The following SMOC2 variants were observed in gnomAD, a reference collection of about 807,000 sequenced individuals.
SMOC2 encodes SPARC related modular calcium binding 2.
SMOC2 carries 39 observed loss-of-function variants against 61.4 expected under a neutral mutation model. That is an observed-to-expected ratio of 0.64 (90% CI 0.49 to 0.83). The LOEUF (loss-of-function observed/expected upper bound fraction) is 0.83. Among genes scored for constraint, SMOC2 ranks in the 40% least tolerant of loss-of-function variants. The probability of loss-of-function intolerance (pLI) is 0.00; values close to 1 mark genes in which losing one functional copy is unlikely to be tolerated. For missense variants in SMOC2, 556 were observed against 592.9 expected, an observed-to-expected ratio of 0.94 and a Z score of 0.65; for synonymous variants, 247 against 239.9, an observed-to-expected ratio of 1.03 and a Z score of -0.27.
At chr6:168,563,972 A>C (rs927479357) in intron 7 of SMOC2, among the ~76,000 whole-genome samples, 1 of 152,060 alleles carries the variant, frequency 6.6e-6, no homozygotes, top group Non-Finnish European at 1.5e-5. Flanking sequence ...GTTAAAGCAC[A>C]CCCTGGAGTA....
chr6:168,545,008 C>T (rs1005889233), intron 5 of SMOC2, among the ~76,000 whole-genome samples: 1 of 151,926 alleles, frequency 6.6e-6, no homozygotes, highest in Non-Finnish European at 1.5e-5. Context: ...ATAATGGGGA[C>T]ACTGGGTTGG....
intron 2 of SMOC2, among the ~76,000 whole-genome samples, chr6:168,512,235 C>T (rs868327248): frequency 1.3e-5 from 2 of 152,098 alleles, no homozygotes; most frequent in African/African-American, 4.8e-5. Context: ...AATGGAAAGA[C>T]ACAGGAAGTC....
At chr6:168,527,051 G>GA (rs1322894916) in intron 3 of SMOC2, among the ~76,000 whole-genome samples, 6 of 152,208 alleles carry the variant, frequency 3.9e-5, no homozygotes, top group Non-Finnish European at 8.8e-5. Flanking sequence ...AGAAAGAGCA[G>GA]AAAAAACAGC....
intron 9 of SMOC2, among the ~76,000 whole-genome samples, chr6:168,641,723 G>A (rs1222965007): frequency 6.6e-6 from 1 of 152,200 alleles, no homozygotes; most frequent in African/African-American, 2.4e-5. Flanking sequence ...AGGGCCAAGA[G>A]CAGGCACCTT....
Position 168,475,246 on chromosome 6 carries a change from G to T in SMOC2, c.84+33792G>T, listed in dbSNP as rs1427739998. ...CTTTGGAGAAGCTAAACTTTGAAGT[G>T]TGTGGAAGGCAGCTTGGATAGTCCT... On this transcript the variant is annotated intron_variant, in intron 1 of 12. Coordinates refer to ENST00000356284, the MANE Select transcript of SMOC2 (RefSeq NM_001166412.2). The surrounding 1 kb of genome is among the most constrained non-coding windows in gnomAD (Gnocchi z 4.6). Among the ~76,000 whole-genome samples the T allele has an allele frequency of 6.6e-6, 1 of 152,098 alleles. No homozygotes were observed. The highest frequency in any genetic ancestry group is 1.9e-4 in the East Asian group (1 of 5,194).
At chr6:168,488,100 T>C (rs2115029555) in intron 1 of SMOC2, among the ~76,000 whole-genome samples, 1 of 152,324 alleles carries the variant, frequency 6.6e-6, no homozygotes, top group East Asian at 1.9e-4. Context: ...AATGGGTAGC[T>C]TGAAACAGCA....
intron 7 of SMOC2, among the ~76,000 whole-genome samples, chr6:168,564,821 C>T (rs73789110): frequency 0.011 from 1,624 of 152,280 alleles, 23 homozygotes; most frequent in African/African-American, 0.037. Flanking sequence ...CCTAAGGCAG[C>T]GGGTCTCACT....
intron 7 of SMOC2, among the ~76,000 whole-genome samples, chr6:168,580,094 G>A (rs1322652956): frequency 6.6e-6 from 1 of 152,108 alleles, no homozygotes; most frequent in Non-Finnish European, 1.5e-5. Flanking sequence ...GGCTTAAGAC[G>A]TAGTTTTCCC....
intron 9 of SMOC2, among the ~76,000 whole-genome samples, chr6:168,636,040 C>T (rs1016301052): frequency 2.0e-5 from 3 of 152,136 alleles, no homozygotes; most frequent in Non-Finnish European, 2.9e-5. Flanking sequence ...TGAAATCTGG[C>T]AATGAAGGAG....
chr6:168,623,419 G>A (rs4708767), intron 9 of SMOC2, among the ~76,000 whole-genome samples: 28,003 of 147,798 alleles, frequency 0.19, 3,327 homozygotes, highest in Non-Finnish European at 0.26. Flanking sequence ...CAACCTTCCC[G>A]GGTTCAAGCA....
At chr6:168,459,272 A>C (rs1311980458) in intron 1 of SMOC2, among the ~76,000 whole-genome samples, 2 of 152,188 alleles carry the variant, frequency 1.3e-5, no homozygotes, top group Admixed American at 6.5e-5. Context: ...GTGCTGTGCA[A>C]GCGTCTAGGG....
chr6:168,575,161 T>C (rs1359850954), intron 7 of SMOC2, among the ~76,000 whole-genome samples: 1 of 152,180 alleles, frequency 6.6e-6, no homozygotes, highest in African/African-American at 2.4e-5. Context: ...GCCACACCCC[T>C]CCCAGTGTTA....
At position 168,509,916 on chromosome 6, in the gene SMOC2, T is replaced by C. The variant is rs1782965052; in HGVS notation, c.86T>C (p.Phe29Ser). ...VPAQKFSALTFLRVDQDKDKD... is the reference protein window; with the variant it reads ...VPAQKFSALTSLRVDQDKDKD... ...TGGCTTCTTTTTTTCTCCTTTAAGT[T>C]TTTGAGAGTGGATCAAGATAAAGAC... is the stretch of plus-strand genomic sequence containing the variant. Residue 29 changes from phenylalanine to serine, a missense_variant and splice_region_variant, in exon 2 of 13, where the codon TTT becomes TCT. Phe to Ser is a radical substitution (Grantham distance 155). Coordinates refer to ENST00000356284, the MANE Select transcript of SMOC2 (RefSeq NM_001166412.2). 3.1e-6 allele frequency: 5 copies of C among 1,592,124 alleles called. No individual in the cohort carries two copies. In the Admixed American group the frequency reaches 5.1e-5, roughly 16 times the overall value.
intron 6 of SMOC2, among the ~76,000 whole-genome samples, chr6:168,548,449 C>T (rs2115105525): frequency 6.6e-6 from 1 of 151,436 alleles, no homozygotes; most frequent in African/African-American, 2.4e-5. Context: ...CCTCCGTCTC[C>T]TGGGCTCAAG....
At chr6:168,505,144 C>G (rs1562560034) in intron 1 of SMOC2, among the ~76,000 whole-genome samples, 1 of 149,564 alleles carries the variant, frequency 6.7e-6, no homozygotes, top group African/African-American at 2.4e-5. Context: ...AATGAAATGT[C>G]CATCTCTCAG....
intron 8 of SMOC2, among the ~76,000 whole-genome samples, chr6:168,606,869 G>A (rs1313685634): frequency 1.3e-5 from 2 of 152,146 alleles, no homozygotes; most frequent in African/African-American, 4.8e-5. Flanking sequence ...GTCTCCCAGT[G>A]TGTCACTTGC....
chr6:168,547,337 CT>C (rs1784027194), intron 6 of SMOC2, among the ~76,000 whole-genome samples, 168 bp downstream of exon 6: 1 of 65,786 alleles, frequency 1.5e-5, no homozygotes. Flanking sequence ...TGTGGAATCT[CT>C]TTAAAAAAAA....
At chr6:168,624,349 C>T (rs907022300) in intron 9 of SMOC2, among the ~76,000 whole-genome samples, 2 of 152,214 alleles carry the variant, frequency 1.3e-5, no homozygotes, top group African/African-American at 2.4e-5. Flanking sequence ...TGAACACGCA[C>T]ATATGTAGAC....
intron 9 of SMOC2, among the ~76,000 whole-genome samples, chr6:168,627,201 C>G (rs1786435843): frequency 6.6e-6 from 1 of 152,222 alleles, no homozygotes; most frequent in African/African-American, 2.4e-5. Context: ...ACCCATTTCT[C>G]CTCTAGTAAG....
Sources: allele counts gnomAD v4.1 joint callset (sites outside exome capture counted in the v4.1 genomes callset), GRCh38; gene constraint gnomAD v4.1.1; non-coding constraint Gnocchi (gnomAD v3.1); transcripts MANE v1.5; gene names NCBI Gene and HGNC (gene_info 2026-07-23, HGNC 2026-07-21).